Variants in SCAF8 observed in about 807,000 individuals in gnomAD.
The protein encoded by SCAF8 is SR-related and CTD-associated factor 8.
In SCAF8, 23 loss-of-function variants were observed where a neutral mutation model predicts 140.5. That is an observed-to-expected ratio of 0.16 (90% CI 0.12 to 0.23). SCAF8 has a LOEUF of 0.23. Among genes scored for constraint, SCAF8 ranks in the 10% least tolerant of loss-of-function variants. The probability of loss-of-function intolerance (pLI) is 1.00; values close to 1 mark genes in which losing one functional copy is unlikely to be tolerated. For missense variants in SCAF8, 1,397 were observed against 1,555.7 expected (o/e 0.90, Z 1.72); for synonymous variants, 575 against 528.9 (o/e 1.09, Z -1.20).
In SCAF8 at chr6:154,733,787, C is replaced by T; in HGVS notation, c.-114C>T. 1 of 1,389,918 alleles carries T rather than the reference C, an allele frequency of 7.2e-7. No individual in the cohort carries two copies. The highest frequency in any genetic ancestry group is 2.4e-4 in the Middle Eastern group (1 of 4,088). The allele number at this position is 1,389,918 out of a possible 1,614,324, so 86.1% of individuals were successfully genotyped here. Reference sequence around the variant, plus strand: ...CCCCGAGGTCGCAGCGGCCCGCTCTCCCGCCAGCGCCCCCTCCTCGCGGCC... The same window carrying T: ...CCCCGAGGTCGCAGCGGCCCGCTCTTCCGCCAGCGCCCCCTCCTCGCGGCC... On this transcript the variant is annotated 5_prime_UTR_variant, in exon 1 of 20. Transcript: ENST00000367178.
intron 12 of SCAF8, among the ~76,000 whole-genome samples, chr6:154,813,301 G>T (rs1778150494): frequency 6.6e-6 from 1 of 152,192 alleles, no homozygotes; most frequent in African/African-American, 2.4e-5. Context: ...AAGGCGGGAG[G>T]ATTGCTTGAG....
intron 2 of SCAF8, among the ~76,000 whole-genome samples, chr6:154,777,047 G>T (rs1488742896): frequency 6.6e-6 from 1 of 152,170 alleles, no homozygotes; most frequent in East Asian, 1.9e-4. Flanking sequence ...CGTGGTGGCT[G>T]GCACGCATCT....
intron 1 of SCAF8, among the ~76,000 whole-genome samples, chr6:154,754,689 T>G (rs1487424694): frequency 6.6e-6 from 1 of 152,216 alleles, no homozygotes; most frequent in Non-Finnish European, 1.5e-5. Flanking sequence ...AATTTTTGTG[T>G]TGGTTAGTCT....
chr6:154,741,624 C>T (rs1778570387), intron 1 of SCAF8, among the ~76,000 whole-genome samples: 1 of 152,076 alleles, frequency 6.6e-6, no homozygotes. Flanking sequence ...CCAGGCTGAT[C>T]TCGAACTCCT....
At chr6:154,825,655 C>CAAAAAAA (rs34342159) in intron 17 of SCAF8, among the ~76,000 whole-genome samples, 1 of 64,336 alleles carries the variant, frequency 1.6e-5, no homozygotes, top group Non-Finnish European at 2.9e-5. Context: ...GACCTTGTCT[C>CAAAAAAA]AAAAAAAAAA....
intron 3 of SCAF8, among the ~76,000 whole-genome samples, chr6:154,781,582 C>T (rs1272484145): frequency 6.6e-6 from 1 of 152,208 alleles, no homozygotes; most frequent in Non-Finnish European, 1.5e-5. Flanking sequence ...TACCTGCCTT[C>T]AAACTATACT....
rs969650056 is a variant in SCAF8, at chr6:154,775,906, T to G, written c.114+1834T>G. Among the ~76,000 whole-genome samples the G allele has an allele frequency of 3.3e-5, 5 of 152,268 alleles. No homozygotes were observed. In the East Asian group the frequency reaches 7.7e-4, roughly 23 times the overall value. On this transcript the variant is annotated intron_variant, in intron 2 of 19. Coordinates refer to ENST00000367178, the MANE Select transcript of SCAF8 (RefSeq NM_014892.5). ...AGCAGGACATATTCTTCCCTTAGAT[T>G]TGCTGATTAACATGTTGCTACATAT...
At chr6:154,797,048 C>T (rs1456028090) in intron 6 of SCAF8, among the ~76,000 whole-genome samples, 2 of 151,114 alleles carry the variant, frequency 1.3e-5, no homozygotes, top group Non-Finnish European at 2.9e-5. Flanking sequence ...TTTTCGATAA[C>T]ATTTTTCAAT....
At chr6:154,735,262 A>T (rs1160412538) in intron 1 of SCAF8, among the ~76,000 whole-genome samples, 1 of 152,156 alleles carries the variant, frequency 6.6e-6, no homozygotes, top group Admixed American at 6.5e-5. Flanking sequence ...TACCTCTTAA[A>T]ATACGAGGCT....
At chr6:154,769,745 A>G (rs541143674) in intron 1 of SCAF8, among the ~76,000 whole-genome samples, 9 of 152,342 alleles carry the variant, frequency 5.9e-5, no homozygotes, top group Non-Finnish European at 8.8e-5. Flanking sequence ...ATCTTTCTGT[A>G]CAAAGCTTGT....
intron 17 of SCAF8, among the ~76,000 whole-genome samples, chr6:154,826,124 T>A (rs918574505): frequency 6.6e-6 from 1 of 152,184 alleles, no homozygotes; most frequent in Non-Finnish European, 1.5e-5. Context: ...ATGTAAGTGT[T>A]CTAAATTACA....
intron 1 of SCAF8, among the ~76,000 whole-genome samples, chr6:154,765,431 T>C (rs1562433910): frequency 1.3e-5 from 2 of 152,218 alleles, no homozygotes; most frequent in Non-Finnish European, 2.9e-5. Context: ...CTCTAACCAA[T>C]TTATAAAGAG....
intron 1 of SCAF8, among the ~76,000 whole-genome samples, chr6:154,750,411 A>G (rs1289745479): frequency 6.6e-6 from 1 of 151,582 alleles, no homozygotes; most frequent in African/African-American, 2.4e-5. Flanking sequence ...AAGCCAGCCT[A>G]GAGGAAGATC....
intron 17 of SCAF8, among the ~76,000 whole-genome samples, chr6:154,826,644 G>T (rs1390460871): frequency 2.6e-5 from 4 of 152,166 alleles, no homozygotes; most frequent in African/African-American, 9.7e-5. Flanking sequence ...CTACTCGGGA[G>T]GCTGAAGTAG....
Position 154,832,403 on chromosome 6 carries a change from A to G in SCAF8, c.2824A>G (p.Ile942Val), listed in dbSNP as rs776900106. 3.1e-6 allele frequency: 5 copies of G among 1,614,030 alleles called. No homozygotes were observed. Among genetic ancestry groups the G allele is most frequent in the Non-Finnish European group, 4.2e-6 (5 of 1,180,032 alleles). ...GGCACCTGGGCCAAGATTCCCTTTA[A>G]TACAGCCTGGAATTCCACCCCAACG... ...PQAPGPRFPLIQPGIPPQRGI... is the reference protein window; with the variant it reads ...PQAPGPRFPLVQPGIPPQRGI... Residue 942 changes from isoleucine to valine, a missense_variant, in exon 20 of 20, where the codon ATA (isoleucine) becomes GTA (valine). Coordinates refer to ENST00000367178, the MANE Select transcript of SCAF8 (RefSeq NM_014892.5).
intron 3 of SCAF8, among the ~76,000 whole-genome samples, chr6:154,780,605 G>T (rs1231519100): frequency 6.6e-6 from 1 of 151,012 alleles, no homozygotes; most frequent in South Asian, 2.1e-4. Context: ...TCCCACTTAC[G>T]AGTGAGAACA....
intron 11 of SCAF8, 102 bp from the exon 12 acceptor site, chr6:154,809,907 CTAAATA>C: frequency 1.1e-6 from 1 of 913,772 alleles, no homozygotes; most frequent in South Asian, 1.5e-5. Flanking sequence ...CATATTGTCA[CTAAATA>C]TAAGACAACT....
chr6:154,832,701 G>A lies in SCAF8; in HGVS notation c.3122G>A (p.Arg1041Gln), dbSNP rs150578605. ...GTGGATGTTAGAGATGTGGTTGGGCGGCCTATAGATCCAAGAGAAGGTCCT... is the reference window on the plus strand; with the variant it reads ...GTGGATGTTAGAGATGTGGTTGGGCAGCCTATAGATCCAAGAGAAGGTCCT... ...PPVDVRDVVG[R>Q]PIDPREGPGR... is the part of the protein sequence containing the mutation. The change falls in exon 20 of 20, where the codon CGG becomes CAG. Residue 1041 changes from arginine (R) to glutamine (Q), a missense_variant. By Grantham distance (43) the Arg-to-Gln change is conservative. Coordinates refer to ENST00000367178, the MANE Select transcript of SCAF8 (RefSeq NM_014892.5). 872 of 1,613,896 alleles carry A rather than the reference G, an allele frequency of 5.4e-4. 1 individual carries two copies. The highest frequency in any genetic ancestry group is 4.9e-4 in the Non-Finnish European group (581 of 1,179,964).
intron 2 of SCAF8, among the ~76,000 whole-genome samples, chr6:154,774,708 G>A (rs1328926334): frequency 2.0e-5 from 3 of 152,142 alleles, no homozygotes; most frequent in African/African-American, 4.8e-5. Flanking sequence ...GTGGGAAAAG[G>A]CCATAGACAT....
Sources: allele counts gnomAD v4.1 joint callset (sites outside exome capture counted in the v4.1 genomes callset), GRCh38; gene constraint gnomAD v4.1.1; transcripts MANE v1.5; gene names NCBI Gene and HGNC (gene_info 2026-07-23, HGNC 2026-07-21).